RPS6KC1: variants seen among roughly 807,000 people sequenced by gnomAD.
RPS6KC1 encodes the protein ribosomal protein S6 kinase C1.
RPS6KC1 carries 54 observed loss-of-function variants against 103.8 expected under a neutral mutation model. That is an observed-to-expected ratio of 0.52 (90% CI 0.42 to 0.65). RPS6KC1 has a LOEUF of 0.65. Among genes scored for constraint, RPS6KC1 ranks in the 30% least tolerant of loss-of-function variants. RPS6KC1 has a pLI of 0.00. For missense variants in RPS6KC1, 1,151 were observed against 1,253.8 expected (o/e 0.92, Z 1.24); for synonymous variants, 439 against 438.7 (o/e 1.00, Z -0.01).
At chr1:213,776,545 A>C in the RPS6KC1 span, among the ~76,000 whole-genome samples, 1 of 152,210 alleles carries the variant, frequency 6.6e-6, no homozygotes, top group African/African-American at 2.4e-5. Context: ...CAGGCTGTAA[A>C]CAAATGTGCT....
At chr1:213,687,877 T>C in the RPS6KC1 span, among the ~76,000 whole-genome samples, 1 of 152,238 alleles carries the variant, frequency 6.6e-6, no homozygotes, top group Non-Finnish European at 1.5e-5. Context: ...TTTGAATTTT[T>C]AGTTCTGATT....
downstream of RPS6KC1, among the ~76,000 whole-genome samples, chr1:213,274,931 A>C (rs1177084022): frequency 1.3e-5 from 2 of 152,190 alleles, no homozygotes; most frequent in African/African-American, 4.8e-5. Context: ...CCTCAAATGG[A>C]AACTCTGTAC....
the RPS6KC1 span, among the ~76,000 whole-genome samples, chr1:213,759,412 C>A: frequency 6.6e-6 from 1 of 152,166 alleles, no homozygotes; most frequent in Admixed American, 6.5e-5. Flanking sequence ...GGAACTGAAC[C>A]TGCAATTTCT....
chr1:213,790,065 G>A, the RPS6KC1 span, among the ~76,000 whole-genome samples: 1 of 152,098 alleles, frequency 6.6e-6, no homozygotes. Context: ...CACTTTCCTT[G>A]GGACACAAAG....
At chr1:213,455,271 C>T in the RPS6KC1 span, among the ~76,000 whole-genome samples, 2 of 151,912 alleles carry the variant, frequency 1.3e-5, no homozygotes, top group African/African-American at 2.4e-5. Flanking sequence ...GGCGGTGGAT[C>T]GTAACCAGGA....
At chr1:213,094,287 A>G (rs1375031159) in intron 3 of RPS6KC1, among the ~76,000 whole-genome samples, 1 of 152,152 alleles carries the variant, frequency 6.6e-6, no homozygotes, top group Non-Finnish European at 1.5e-5. Context: ...CTATGATCAT[A>G]ATACCATATT....
chr1:213,251,505 G>A (rs1573607766), intron 12 of RPS6KC1, among the ~76,000 whole-genome samples: 1 of 152,308 alleles, frequency 6.6e-6, no homozygotes, highest in Middle Eastern at 3.4e-3. Flanking sequence ...ACTGGAAGGT[G>A]TCCATTCCAC....
intron 14 of RPS6KC1, among the ~76,000 whole-genome samples, chr1:213,267,482 C>G (rs1222788555): frequency 1.3e-5 from 2 of 151,890 alleles, no homozygotes; most frequent in African/African-American, 4.8e-5. Context: ...CTAAAATGTC[C>G]TGTTTTCAGT....
At chr1:213,719,734 G>T in the RPS6KC1 span, among the ~76,000 whole-genome samples, 1 of 152,164 alleles carries the variant, frequency 6.6e-6, no homozygotes, top group Non-Finnish European at 1.5e-5. Context: ...CAAACCAGAA[G>T]CGGGGGCAGT....
chr1:213,742,824 A>G, the RPS6KC1 span, among the ~76,000 whole-genome samples: 3 of 152,244 alleles, frequency 2.0e-5, no homozygotes, highest in Non-Finnish European at 2.9e-5. Flanking sequence ...AGAAATGAGG[A>G]TTCTCCATGT....
the RPS6KC1 span, among the ~76,000 whole-genome samples, chr1:213,565,519 G>A: frequency 4.6e-5 from 7 of 152,132 alleles, no homozygotes; most frequent in Admixed American, 3.9e-4. Flanking sequence ...TAAAAATGTA[G>A]AATTCCATTT....
chr1:213,651,513 C>T, the RPS6KC1 span, among the ~76,000 whole-genome samples: 1 of 152,282 alleles, frequency 6.6e-6, no homozygotes, highest in East Asian at 1.9e-4. Context: ...GTGCACGATG[C>T]CCATGGGTCT....
At chr1:213,499,561 C>G in the RPS6KC1 span, among the ~76,000 whole-genome samples, 1 of 152,200 alleles carries the variant, frequency 6.6e-6, no homozygotes, top group Non-Finnish European at 1.5e-5. Flanking sequence ...CTATGAGACT[C>G]TCATGCCTCT....
At chr1:213,296,631 G>T in the RPS6KC1 span, among the ~76,000 whole-genome samples, 2 of 152,220 alleles carry the variant, frequency 1.3e-5, no homozygotes, top group African/African-American at 4.8e-5. Flanking sequence ...AGGATGTTCT[G>T]TCTTGGGGAG....
At chr1:213,284,328 C>A in the RPS6KC1 span, among the ~76,000 whole-genome samples, 3 of 152,092 alleles carry the variant, frequency 2.0e-5, no homozygotes, top group African/African-American at 4.8e-5. Context: ...CCAGCCTGGC[C>A]AACATGGCGA....
At chr1:213,382,927 C>T in the RPS6KC1 span, among the ~76,000 whole-genome samples, 4 of 152,204 alleles carry the variant, frequency 2.6e-5, no homozygotes, top group Admixed American at 2.0e-4. Flanking sequence ...GAAGGCAGGA[C>T]TCGGCACTCT....
intron 7 of RPS6KC1, among the ~76,000 whole-genome samples, chr1:213,169,891 C>T (rs2091335707): frequency 6.6e-6 from 1 of 150,934 alleles, no homozygotes; most frequent in South Asian, 2.1e-4. Context: ...AGGCGATTCT[C>T]CTGCCTCAGC....
intron 12 of RPS6KC1, among the ~76,000 whole-genome samples, chr1:213,251,145 C>T (rs1211692167): frequency 8.2e-6 from 1 of 121,410 alleles, no homozygotes; most frequent in Non-Finnish European, 1.6e-5. Flanking sequence ...CTTGCTCTGT[C>T]ACCCAGGCTG....
At chr1:213,664,332 TTAAAAA>T in the RPS6KC1 span, among the ~76,000 whole-genome samples, 48,891 of 151,644 alleles carry the variant, frequency 0.32, 8,081 homozygotes, top group Admixed American at 0.39. Flanking sequence ...AAACCCAAGT[TTAAAAA>T]TAAAAGAAAG....
Sources: allele counts gnomAD v4.1 joint callset (sites outside exome capture counted in the v4.1 genomes callset), GRCh38; gene constraint gnomAD v4.1.1; transcripts MANE v1.5; gene names NCBI Gene and HGNC (gene_info 2026-07-23, HGNC 2026-07-21).